PTPRM: variants seen among roughly 807,000 people sequenced by gnomAD.
PTPRM encodes protein tyrosine phosphatase receptor type M.
A neutral mutation model predicts 186.7 loss-of-function variants in PTPRM; 47 were observed. That is an observed-to-expected ratio of 0.25 (90% CI 0.20 to 0.32). PTPRM has a LOEUF of 0.32. Among genes scored for constraint, PTPRM ranks in the 10% least tolerant of loss-of-function variants. PTPRM has a pLI of 1.00. For synonymous variants in PTPRM, 668 were observed against 674.9 expected (o/e 0.99, Z 0.16); for missense variants, 1,494 against 1,865.0 (o/e 0.80, Z 3.66).
At chr18:7,863,158 T>C (rs1298547230) in intron 2 of PTPRM, among the ~76,000 whole-genome samples, 3 of 152,182 alleles carry the variant, frequency 2.0e-5, no homozygotes, top group Admixed American at 6.5e-5. Flanking sequence ...TTTGGCAGTT[T>C]CATGTGCGTA....
intron 23 of PTPRM, among the ~76,000 whole-genome samples, chr18:8,356,429 C>A (rs2095563646): frequency 6.6e-6 from 1 of 152,166 alleles, no homozygotes; most frequent in South Asian, 2.1e-4. Context: ...TTCAACCTTA[C>A]AAGAGATGAC....
intron 1 of PTPRM, among the ~76,000 whole-genome samples, chr18:7,766,948 A>G (rs571738049): frequency 6.6e-6 from 1 of 152,314 alleles, no homozygotes; most frequent in South Asian, 2.1e-4. Context: ...GTTCTGTAAC[A>G]TGTTAATTGA....
intron 13 of PTPRM, 108 bp from the exon 14 acceptor site, chr18:8,143,539 T>C: frequency 6.9e-6 from 8 of 1,160,564 alleles, no homozygotes; most frequent in Non-Finnish European, 8.6e-6. Flanking sequence ...GTCTGCTGGC[T>C]CTGATAAGTC....
At chr18:7,691,132 A>G (rs2039723571) in intron 1 of PTPRM, among the ~76,000 whole-genome samples, 1 of 152,102 alleles carries the variant, frequency 6.6e-6, no homozygotes, top group South Asian at 2.1e-4. Flanking sequence ...TTTATTTTTA[A>G]GACCTTGCAT....
intron 28 of PTPRM, 77 bp downstream of exon 28, chr18:8,379,417 A>G: frequency 2.2e-6 from 3 of 1,372,804 alleles, no homozygotes; most frequent in Non-Finnish European, 9.6e-7. Flanking sequence ...GGTCTTCCCC[A>G]TTCTGCTCAC....
At chr18:7,774,095 T>C in intron 1 of PTPRM, 54 bp from the exon 2 acceptor site, 1 of 1,535,480 alleles carries the variant, frequency 6.5e-7, no homozygotes, top group African/African-American at 1.4e-5. Flanking sequence ...CATCATAGCT[T>C]ATTCTAGAGG....
At chr18:8,241,448 G>A (rs2094433958) in intron 14 of PTPRM, among the ~76,000 whole-genome samples, 1 of 152,162 alleles carries the variant, frequency 6.6e-6, no homozygotes, top group African/African-American at 2.4e-5. Flanking sequence ...CCAAAGTGCT[G>A]TTATTGATGA....
chr18:8,301,418 G>A (rs2095156535), intron 20 of PTPRM, among the ~76,000 whole-genome samples: 1 of 152,064 alleles, frequency 6.6e-6, no homozygotes, highest in African/African-American at 2.4e-5. Flanking sequence ...TTAACTCTAA[G>A]CTTAAGGCAC....
intron 11 of PTPRM, among the ~76,000 whole-genome samples, chr18:8,094,196 G>A (rs1488477748): frequency 6.6e-6 from 1 of 152,088 alleles, no homozygotes; most frequent in Non-Finnish European, 1.5e-5. Flanking sequence ...ACCTTGCAAT[G>A]CAAAGTTTAC....
Position 8,113,568 on chromosome 18 carries a change from A to G in PTPRM, c.1939A>G (p.Ile647Val), listed in dbSNP as rs200309598. The G allele has an allele frequency of 2.1e-4, 344 of 1,614,074 alleles. No homozygotes were observed. Among genetic ancestry groups the G allele is most frequent in the East Asian group, 2.7e-4 (12 of 44,870 alleles). ...TEILKCYPVP[I>V]HFQNASLLNS... is the part of the protein sequence containing the mutation. ...AATCTTAAAGTGCTACCCAGTGCCA[A>G]TTCACTTCCAGAATGCTTCTCTGCT... Residue 647 changes from isoleucine (I) to valine (V), a missense_variant, in exon 12 of 33, where the codon ATT becomes GTT. Around this residue, in one of 3 missense-constraint regions of PTPRM, gnomAD observed 1,107 missense variants for 1,350.2 expected, o/e 0.82. Coordinates refer to ENST00000580170, the MANE Select transcript of PTPRM (RefSeq NM_001105244.2).
At chr18:7,680,600 A>G (rs1467131461) in intron 1 of PTPRM, among the ~76,000 whole-genome samples, 4 of 152,130 alleles carry the variant, frequency 2.6e-5, no homozygotes, top group Non-Finnish European at 5.9e-5. Flanking sequence ...TCCTCTGTCC[A>G]ATTGCACATG....
chr18:8,073,049 A>G (rs2089587912), intron 8 of PTPRM, among the ~76,000 whole-genome samples: 2 of 152,148 alleles, frequency 1.3e-5, no homozygotes, highest in Admixed American at 1.3e-4. Flanking sequence ...TCCTTCTGAG[A>G]TATCCTCTTC....
At chr18:8,021,550 T>G (rs963316872) in intron 7 of PTPRM, among the ~76,000 whole-genome samples, 1 of 152,026 alleles carries the variant, frequency 6.6e-6, no homozygotes, top group Non-Finnish European at 1.5e-5. Context: ...CCCTGGTGTG[T>G]GTTGTTCCCC....
rs539671990 is a variant in PTPRM at position 8,161,938 on chromosome 18, T to G, written c.2300+18159T>G. ...GAATAAGTGTGCCTCCCATTTCTAA[T>G]TAGAGCTCATCCCTGTGTTCTGCAC... On this transcript the variant is annotated intron_variant, in intron 14 of 32. Transcript: ENST00000580170. 1.5e-4 allele frequency among the ~76,000 whole-genome samples: 23 copies of G among 152,270 alleles called. 1 individual carries two copies. The highest frequency in any genetic ancestry group is 5.5e-4 in the African/African-American group (23 of 41,566).
At chr18:8,210,318 G>T (rs912814045) in intron 14 of PTPRM, among the ~76,000 whole-genome samples, 4 of 152,088 alleles carry the variant, frequency 2.6e-5, no homozygotes, top group Non-Finnish European at 4.4e-5. Context: ...CTCAAAAAAA[G>T]GGGTTGGGGG....
intron 1 of PTPRM, among the ~76,000 whole-genome samples, chr18:7,654,068 G>A (rs2038789309): frequency 6.6e-6 from 1 of 152,114 alleles, no homozygotes; most frequent in Admixed American, 6.5e-5. Context: ...CTAATGATCG[G>A]TGATGTTGAA....
intron 7 of PTPRM, among the ~76,000 whole-genome samples, chr18:7,960,480 T>TATATATATATATATATACACACAC (rs1300573371): frequency 6.9e-5 from 6 of 86,594 alleles, no homozygotes; most frequent in African/African-American, 2.6e-4. Flanking sequence ...TATATATATA[T>TATATATATATATATATACACACAC]ACACACACAC....
At chr18:7,905,181 T>A (rs1599409005) in intron 3 of PTPRM, among the ~76,000 whole-genome samples, 1 of 152,050 alleles carries the variant, frequency 6.6e-6, no homozygotes, top group Middle Eastern at 3.4e-3. Flanking sequence ...TTTAGTAGAG[T>A]TGGGGTTTCA....
chr18:7,800,711 T>C (rs1351650340), intron 2 of PTPRM, among the ~76,000 whole-genome samples: 1 of 152,224 alleles, frequency 6.6e-6, no homozygotes, highest in Non-Finnish European at 1.5e-5. Flanking sequence ...AATGCATTGT[T>C]CAGGCAGTTC....
Sources: allele counts gnomAD v4.1 joint callset (sites outside exome capture counted in the v4.1 genomes callset), GRCh38; gene constraint gnomAD v4.1.1; regional missense constraint gnomAD v4.1.1; transcripts MANE v1.5; gene names NCBI Gene and HGNC (gene_info 2026-07-23, HGNC 2026-07-21).